Variants in QTMAN observed in about 807,000 individuals in gnomAD.
QTMAN encodes the protein tRNA-queuosine alpha-mannosyltransferase.
At chr2:143,941,546 G>C in the QTMAN span, 4 of 151,992 alleles carry the variant, frequency 2.6e-5, no homozygotes, top group Admixed American at 2.6e-4. Flanking sequence ...GTGGTGGTGG[G>C]CACCTGTAGT....
chr2:143,963,512 C>T, the QTMAN span, among the ~76,000 whole-genome samples: 2 of 151,328 alleles, frequency 1.3e-5, no homozygotes, highest in African/African-American at 4.9e-5. Flanking sequence ...TTTTAAATCT[C>T]TATGGTACTC....
At chr2:144,008,648 G>A in the QTMAN span, among the ~76,000 whole-genome samples, 1 of 151,720 alleles carries the variant, frequency 6.6e-6, no homozygotes, top group African/African-American at 2.4e-5. Context: ...GGGTTTCAGA[G>A]GTAGGTGAAA....
the QTMAN span, chr2:143,938,848 A>T: frequency 1.3e-5 from 2 of 152,208 alleles, no homozygotes; most frequent in Non-Finnish European, 2.9e-5. Context: ...GGCTAACATT[A>T]TTGCCAGGCA....
the QTMAN span, among the ~76,000 whole-genome samples, chr2:143,972,433 T>C: frequency 6.6e-6 from 1 of 152,196 alleles, no homozygotes; most frequent in Admixed American, 6.5e-5. Context: ...ATATTTTAAA[T>C]ATGGCTGGGT....
the QTMAN span, among the ~76,000 whole-genome samples, chr2:143,993,148 A>T: frequency 2.6e-5 from 4 of 152,160 alleles, no homozygotes; most frequent in Non-Finnish European, 5.9e-5. Context: ...GCAAATTTTT[A>T]TTTGATTAAT....
At chr2:144,120,739 A>C in the QTMAN span, among the ~76,000 whole-genome samples, 1 of 152,164 alleles carries the variant, frequency 6.6e-6, no homozygotes, top group African/African-American at 2.4e-5. Context: ...AGATGCTTGG[A>C]GGAGAGTTTG....
the QTMAN span, among the ~76,000 whole-genome samples, chr2:144,199,300 C>T: frequency 6.6e-6 from 1 of 152,168 alleles, no homozygotes. Flanking sequence ...CCGCCCGCCT[C>T]GGATTCCCAA....
chr2:144,036,194 G>A, the QTMAN span, among the ~76,000 whole-genome samples: 54 of 152,242 alleles, frequency 3.5e-4, no homozygotes, highest in South Asian at 8.7e-3. Context: ...GACCATTATT[G>A]TAATATTATG....
the QTMAN span, among the ~76,000 whole-genome samples, chr2:144,280,649 A>G: frequency 6.6e-6 from 1 of 152,150 alleles, no homozygotes; most frequent in Non-Finnish European, 1.5e-5. Context: ...AACTCTACAA[A>G]CTGGAAAAAT....
chr2:144,332,362 C>T, the QTMAN span: 12 of 148,452 alleles, frequency 8.1e-5, no homozygotes, highest in African/African-American at 2.9e-4. Context: ...AGGCGGGCGC[C>T]GGGGAGGGGA....
the QTMAN span, among the ~76,000 whole-genome samples, chr2:143,973,701 A>G: frequency 2.0e-5 from 3 of 151,818 alleles, no homozygotes; most frequent in Non-Finnish European, 2.9e-5. Context: ...AGGCAGGAGA[A>G]TGGCATGAAC....
the QTMAN span, among the ~76,000 whole-genome samples, chr2:144,294,678 T>G: frequency 5.9e-5 from 9 of 152,234 alleles, no homozygotes; most frequent in East Asian, 1.7e-3. Flanking sequence ...TGGAAGAGAC[T>G]TATAGCTATA....
the QTMAN span, among the ~76,000 whole-genome samples, chr2:144,244,368 T>C: frequency 1.3e-5 from 2 of 152,182 alleles, no homozygotes; most frequent in East Asian, 3.9e-4. Flanking sequence ...GTGCTCTGCC[T>C]AATGTATTGC....
chr2:143,995,408 ACT>A, the QTMAN span, among the ~76,000 whole-genome samples: 3 of 152,122 alleles, frequency 2.0e-5, 1 homozygote, highest in South Asian at 6.2e-4. Context: ...CTAATGAAGT[ACT>A]CTATATTATT....
the QTMAN span, among the ~76,000 whole-genome samples, chr2:144,096,106 T>C: frequency 2.0e-5 from 3 of 152,232 alleles, no homozygotes; most frequent in African/African-American, 4.8e-5. Flanking sequence ...GTTTGTAAAA[T>C]TTCCCATTCT....
At chr2:144,007,117 T>C in the QTMAN span, 1 of 938,476 alleles carries the variant, frequency 1.1e-6, no homozygotes. Flanking sequence ...ATTATGTCAA[T>C]CAACAGAATA....
chr2:144,233,513 G>A, the QTMAN span, among the ~76,000 whole-genome samples: 1 of 152,174 alleles, frequency 6.6e-6, no homozygotes, highest in Non-Finnish European at 1.5e-5. Flanking sequence ...CTTCGGTGAT[G>A]CTGTGAGGGT....
At chr2:144,100,537 T>C in the QTMAN span, among the ~76,000 whole-genome samples, 16 of 152,200 alleles carry the variant, frequency 1.1e-4, no homozygotes, top group Non-Finnish European at 5.9e-5. Flanking sequence ...AAAATAACCA[T>C]TGGAACTTAA....
the QTMAN span, among the ~76,000 whole-genome samples, chr2:144,215,165 C>A: frequency 2.6e-5 from 4 of 151,668 alleles, no homozygotes; most frequent in Non-Finnish European, 5.9e-5. Context: ...TCACTTGAGC[C>A]CAGGAGTTTG....
Sources: allele counts gnomAD v4.1 joint callset (sites outside exome capture counted in the v4.1 genomes callset), GRCh38; gene constraint gnomAD v4.1.1; transcripts MANE v1.5; gene names NCBI Gene and HGNC (gene_info 2026-07-23, HGNC 2026-07-21).